ALCAM: variants seen among roughly 807,000 people sequenced by gnomAD.
ALCAM encodes CD166 antigen.
Under a neutral mutation model 70.9 loss-of-function variants are expected in ALCAM, and 30 were observed. The observed-to-expected ratio is 0.42, with a 90% confidence interval of 0.32 to 0.57. The LOEUF (loss-of-function observed/expected upper bound fraction) is 0.57. ALCAM is among the 20% of genes least tolerant of loss of function. The probability of loss-of-function intolerance (pLI) is 0.11; values close to 1 mark genes in which losing one functional copy is unlikely to be tolerated. For synonymous variants in ALCAM, 249 were observed against 242.5 expected (o/e 1.03, Z -0.25); for missense variants, 591 against 695.1 (o/e 0.85, Z 1.68).
intron 1 of ALCAM, among the ~76,000 whole-genome samples, chr3:105,508,035 T>G (rs1047215400): frequency 6.6e-6 from 1 of 152,188 alleles, no homozygotes; most frequent in Non-Finnish European, 1.5e-5. Flanking sequence ...ATTCATGATT[T>G]TCTATTTTAT....
chr3:105,455,441 CAAAAA>C (rs66472811), intron 1 of ALCAM, among the ~76,000 whole-genome samples: 3 of 126,454 alleles, frequency 2.4e-5, no homozygotes, highest in African/African-American at 8.9e-5. Flanking sequence ...GACACCGTCT[CAAAAA>C]AAAAAAAAAA....
Position 105,367,607 on chromosome 3 carries a change from G to C in ALCAM, c.73+126G>C, listed in dbSNP as rs1424934806. ...GCGTGGTGGAGGTAAGGGGACCGCTGTCCTGGCACAGAGCTGTCCCCGGGC... is the reference window on the plus strand; with the variant it reads ...GCGTGGTGGAGGTAAGGGGACCGCTCTCCTGGCACAGAGCTGTCCCCGGGC... On this transcript the variant is annotated intron_variant, in intron 1 of 15. Transcript: ENST00000306107. 2.6e-5 allele frequency: 29 copies of C among 1,100,674 alleles called. No homozygotes were observed. In the East Asian group the frequency reaches 5.5e-4, roughly 21 times the overall value. The allele number at this position is 1,100,674 out of a possible 1,614,324, so 68.2% of individuals were successfully genotyped here.
intron 1 of ALCAM, among the ~76,000 whole-genome samples, chr3:105,484,335 A>G (rs1938361329): frequency 6.7e-6 from 1 of 150,374 alleles, no homozygotes; most frequent in Non-Finnish European, 1.5e-5. Context: ...GGGAAATCAA[A>G]TCAAGAATAT....
At chr3:105,518,581 AT>A (rs1329637644) in intron 1 of ALCAM, among the ~76,000 whole-genome samples, 1 of 152,054 alleles carries the variant, frequency 6.6e-6, no homozygotes. Context: ...GAATAAAAAA[AT>A]TTCTTCATTT....
At chr3:105,391,087 T>G (rs1935806164) in intron 1 of ALCAM, among the ~76,000 whole-genome samples, 1 of 152,136 alleles carries the variant, frequency 6.6e-6, no homozygotes, top group Non-Finnish European at 1.5e-5. Flanking sequence ...GGCACTTTTT[T>G]GGTTCCATAT....
At chr3:105,377,107 C>A (rs947577215) in intron 1 of ALCAM, among the ~76,000 whole-genome samples, 12 of 151,964 alleles carry the variant, frequency 7.9e-5, no homozygotes, top group Admixed American at 6.6e-4. Flanking sequence ...CATTTTGTAC[C>A]TTTCCTTTTT....
intron 1 of ALCAM, among the ~76,000 whole-genome samples, chr3:105,495,263 T>G (rs1210985655): frequency 1.3e-5 from 2 of 152,204 alleles, no homozygotes; most frequent in African/African-American, 4.8e-5. Flanking sequence ...GTAATTTAGC[T>G]CCTTGTTTTC....
At chr3:105,416,061 A>C (rs1343286072) in intron 1 of ALCAM, among the ~76,000 whole-genome samples, 2 of 152,054 alleles carry the variant, frequency 1.3e-5, no homozygotes, top group African/African-American at 4.8e-5. Flanking sequence ...CCTTGTCCCC[A>C]AATTCAGCCC....
intron 1 of ALCAM, among the ~76,000 whole-genome samples, chr3:105,414,369 C>T (rs928724048): frequency 6.6e-6 from 1 of 152,004 alleles, no homozygotes; most frequent in Non-Finnish European, 1.5e-5. Context: ...GAGCCAAGAT[C>T]ATGCCACTGC....
At chr3:105,477,028 A>T (rs1199149583) in intron 1 of ALCAM, among the ~76,000 whole-genome samples, 1 of 151,912 alleles carries the variant, frequency 6.6e-6, no homozygotes, top group Non-Finnish European at 1.5e-5. Flanking sequence ...TCCTCTTGCC[A>T]CCACCGTGTA....
chr3:105,513,377 G>A (rs1031322734), intron 1 of ALCAM: 7 of 151,834 alleles, frequency 4.6e-5, no homozygotes, highest in African/African-American at 1.7e-4. Flanking sequence ...GTCTAGATCT[G>A]TGTACTTTTT....
At chr3:105,470,705 T>C (rs948723619) in intron 1 of ALCAM, among the ~76,000 whole-genome samples, 1 of 151,194 alleles carries the variant, frequency 6.6e-6, no homozygotes, top group Non-Finnish European at 1.5e-5. Context: ...TTCTAACTCC[T>C]AAGACAACCT....
At chr3:105,508,432 A>T (rs572616225) in intron 1 of ALCAM, among the ~76,000 whole-genome samples, 2,279 of 152,278 alleles carry the variant, frequency 0.015, 25 homozygotes, top group Middle Eastern at 0.037. Context: ...AAAATGAAGG[A>T]TAATAATATT....
At chr3:105,551,900 C>A (rs1394024578) in intron 12 of ALCAM, among the ~76,000 whole-genome samples, 2 of 151,402 alleles carry the variant, frequency 1.3e-5, no homozygotes, top group Non-Finnish European at 3.0e-5. Context: ...TATAGGTCAT[C>A]AGTTATGAAA....
chr3:105,385,237 T>G (rs576416141), intron 1 of ALCAM, among the ~76,000 whole-genome samples: 1 of 151,700 alleles, frequency 6.6e-6, no homozygotes, highest in African/African-American at 2.4e-5. Context: ...CAAGCCTTAT[T>G]TTAGTATATG....
rs1041226797 is a variant in ALCAM, at chr3:105,575,033, G to C, written c.*582G>C. ...GGGAGGGGAGGCCGAGAGTCAGACTGATAGACACCATAGGAGCCGACTCTT... is the reference window on the plus strand; with the variant it reads ...GGGAGGGGAGGCCGAGAGTCAGACTCATAGACACCATAGGAGCCGACTCTT... On this transcript the variant is annotated 3_prime_UTR_variant, in exon 16 of 16. Coordinates refer to ENST00000306107, the MANE Select transcript of ALCAM (RefSeq NM_001627.4). 2 of 152,470 alleles carry C rather than the reference G, an allele frequency of 1.3e-5. No individual in the cohort carries two copies. The highest frequency in any genetic ancestry group is 4.8e-5 in the African/African-American group (2 of 41,420). The allele number at this position is 152,470 out of a possible 1,614,324, so 9.4% of individuals were successfully genotyped here. A position where few individuals can be genotyped will look rare whatever the true frequency, so the allele number is the denominator to read the frequency against.
At chr3:105,411,475 A>G (rs563149778) in intron 1 of ALCAM, among the ~76,000 whole-genome samples, 8 of 152,150 alleles carry the variant, frequency 5.3e-5, no homozygotes, top group South Asian at 2.1e-4. Context: ...GATAATAGGA[A>G]TAGTAACAAT....
intron 1 of ALCAM, among the ~76,000 whole-genome samples, chr3:105,381,980 G>T (rs1456643801): frequency 2.0e-5 from 3 of 149,502 alleles, no homozygotes; most frequent in African/African-American, 7.4e-5. Flanking sequence ...GGGTACATGT[G>T]CACAATGTGC....
At chr3:105,521,097 C>A (rs1369361145) in intron 2 of ALCAM, among the ~76,000 whole-genome samples, 1 of 150,470 alleles carries the variant, frequency 6.6e-6, no homozygotes, top group Non-Finnish European at 1.5e-5. Context: ...GTCAGGAGAT[C>A]GAGACCATCC....
Sources: gnomAD v4.1 joint callset for allele counts (sites outside exome capture counted in the v4.1 genomes callset) on GRCh38, gnomAD v4.1.1 for gene constraint, MANE v1.5 for transcripts, NCBI Gene and HGNC (gene_info 2026-07-23, HGNC 2026-07-21) for gene names.